CHST11: variants seen among roughly 807,000 people sequenced by gnomAD.
The protein encoded by CHST11 is C4S-1.
Under a neutral mutation model 30.4 loss-of-function variants are expected in CHST11, and 9 were observed. That is an observed-to-expected ratio of 0.30 (90% confidence interval 0.18 to 0.52). The LOEUF (loss-of-function observed/expected upper bound fraction) is 0.52, where lower values mean the gene tolerates loss of function less well. CHST11 is among the 20% of genes least tolerant of loss of function. The pLI is 0.97. For synonymous variants in CHST11, 152 were observed against 187.8 expected, an observed-to-expected ratio of 0.81 and a Z score of 1.56; for missense variants, 348 against 460.6, an observed-to-expected ratio of 0.76 and a Z score of 2.24.
intron 2 of CHST11, among the ~76,000 whole-genome samples, chr12:104,696,498 A>C (rs927101657): frequency 1.2e-4 from 18 of 150,160 alleles, no homozygotes; most frequent in South Asian, 4.2e-4. Flanking sequence ...AAAAAAAAAA[A>C]AAAAAAAAAC....
intron 1 of CHST11, among the ~76,000 whole-genome samples, chr12:104,472,937 A>G (rs558702330): frequency 1.7e-3 from 260 of 152,238 alleles, no homozygotes; most frequent in Non-Finnish European, 1.4e-3. Context: ...CTGCCAGAGC[A>G]GGGAGTGGGG....
chr12:104,695,930 A>C (rs894365094), intron 2 of CHST11, among the ~76,000 whole-genome samples: 3 of 152,190 alleles, frequency 2.0e-5, no homozygotes, highest in Non-Finnish European at 4.4e-5. Flanking sequence ...TGTCCATATA[A>C]AGAGGACCTT....
rs77847728 is a variant in CHST11, at chr12:104,488,360, C to T, written c.118+30831C>T. On this transcript the variant is annotated intron_variant, in intron 1 of 2. Coordinates refer to ENST00000303694, the MANE Select transcript of CHST11 (RefSeq NM_018413.6). ...CTGTGTGTGTGTATGCATGTGTGTGCGTATGTGTATGCGTGTGTATGTGTG... is the reference window on the plus strand; with the variant it reads ...CTGTGTGTGTGTATGCATGTGTGTGTGTATGTGTATGCGTGTGTATGTGTG... 7.8e-3 allele frequency among the ~76,000 whole-genome samples: 1,175 copies of T among 150,992 alleles called. 15 individuals carry two copies. Among genetic ancestry groups the T allele is most frequent in the African/African-American group, 0.026 (1,086 of 41,116 alleles).
At chr12:104,689,177 T>C (rs2039875147) in intron 2 of CHST11, among the ~76,000 whole-genome samples, 1 of 152,242 alleles carries the variant, frequency 6.6e-6, no homozygotes, top group African/African-American at 2.4e-5. Flanking sequence ...CTGCCTGCAA[T>C]GAGTAAGGAT....
chr12:104,490,517 C>G (rs1471767456), intron 1 of CHST11, among the ~76,000 whole-genome samples: 4 of 152,178 alleles, frequency 2.6e-5, no homozygotes, highest in Non-Finnish European at 5.9e-5. Context: ...TTCACCATAT[C>G]AGCATTTTGC....
chr12:104,523,235 TG>T (rs1374113483), intron 1 of CHST11, among the ~76,000 whole-genome samples: 3 of 152,200 alleles, frequency 2.0e-5, no homozygotes, highest in Admixed American at 2.0e-4. Flanking sequence ...GATGTGTGGG[TG>T]GGGTTTCTTG....
Position 104,757,178 on chromosome 12 carries a change from G to GCGA in CHST11, c.436_438dup (p.Asp146dup). ...GTCCTGACCGGGCGGGGGAAGTACA[G>GCGA]CGACCCCATGGAGATCCCGGCCAAC... On this transcript the variant is annotated inframe_insertion, in exon 3 of 3. Coordinates refer to ENST00000303694, the MANE Select transcript of CHST11 (RefSeq NM_018413.6). The surrounding 1 kb of genome is among the most constrained non-coding windows in gnomAD (Gnocchi z 6.5). 6.2e-7 allele frequency: 1 copy of GCGA among 1,614,118 alleles called. No individual in the cohort carries two copies. Among genetic ancestry groups the GCGA allele is most frequent in the Non-Finnish European group, 8.5e-7 (1 of 1,180,020 alleles).
At chr12:104,519,710 A>G (rs1305202910) in intron 1 of CHST11, among the ~76,000 whole-genome samples, 1 of 152,172 alleles carries the variant, frequency 6.6e-6, no homozygotes, top group East Asian at 1.9e-4. Context: ...ATTTGACACC[A>G]GCATTTTGCA....
chr12:104,652,820 C>A (rs1205177969), intron 2 of CHST11, among the ~76,000 whole-genome samples: 1 of 152,200 alleles, frequency 6.6e-6, no homozygotes, highest in Non-Finnish European at 1.5e-5. Context: ...GGGCCAGTGG[C>A]TTTGCTCAGG....
intron 1 of CHST11, among the ~76,000 whole-genome samples, chr12:104,575,501 C>T (rs1482485944): frequency 2.0e-5 from 3 of 152,138 alleles, no homozygotes; most frequent in African/African-American, 4.8e-5. Context: ...CTCTGCGAGT[C>T]CTCTGTGATA....
At chr12:104,591,511 A>G (rs1615960) in intron 1 of CHST11, 129,378 of 152,390 alleles carry the variant, frequency 0.85, 55,084 homozygotes, top group East Asian at 1. Flanking sequence ...TAGGGGCATG[A>G]TGGTGGCATC....
intron 2 of CHST11, among the ~76,000 whole-genome samples, chr12:104,752,971 G>A (rs752287002): frequency 6.6e-5 from 10 of 152,204 alleles, no homozygotes; most frequent in Admixed American, 6.5e-4. Flanking sequence ...CAAGCACCGG[G>A]GATATCGCTA....
intron 2 of CHST11, among the ~76,000 whole-genome samples, chr12:104,615,724 C>G (rs923896159): frequency 3.3e-5 from 5 of 152,140 alleles, no homozygotes; most frequent in African/African-American, 1.2e-4. Context: ...GTCAGGAGTT[C>G]AAGACCAGTC....
chr12:104,597,424 T>C (rs995647675), intron 1 of CHST11, among the ~76,000 whole-genome samples: 3 of 152,156 alleles, frequency 2.0e-5, no homozygotes, highest in African/African-American at 7.2e-5. Context: ...CCTCAGGGCC[T>C]CAGGGATTTC....
intron 1 of CHST11, among the ~76,000 whole-genome samples, chr12:104,463,226 G>A (rs2037426083): frequency 6.6e-6 from 1 of 152,156 alleles, no homozygotes; most frequent in South Asian, 2.1e-4. Flanking sequence ...ATTGCCAGCA[G>A]GCCTCTTCTA....
intron 1 of CHST11, among the ~76,000 whole-genome samples, chr12:104,574,004 G>T (rs1047635619): frequency 6.6e-6 from 1 of 151,924 alleles, no homozygotes; most frequent in Non-Finnish European, 1.5e-5. Flanking sequence ...GAACTCAAAC[G>T]AATTTACAAG....
intron 2 of CHST11, among the ~76,000 whole-genome samples, chr12:104,742,588 C>T (rs1209649073): frequency 1.3e-5 from 2 of 152,212 alleles, no homozygotes; most frequent in Non-Finnish European, 2.9e-5. Flanking sequence ...GAAAGCAGGC[C>T]AGCTTGGCAG....
At chr12:104,736,131 G>A (rs1218578917) in intron 2 of CHST11, among the ~76,000 whole-genome samples, 6 of 152,126 alleles carry the variant, frequency 3.9e-5, no homozygotes, top group African/African-American at 1.2e-4. Context: ...ACATTCCATG[G>A]GCAATGTCCA....
chr12:104,583,454 C>T (rs192846047), intron 1 of CHST11, among the ~76,000 whole-genome samples: 126 of 152,206 alleles, frequency 8.3e-4, no homozygotes, highest in African/African-American at 2.9e-3. Context: ...GATGCAGCTC[C>T]AATGGCCTTT....
Sources: allele counts gnomAD v4.1 joint callset (sites outside exome capture counted in the v4.1 genomes callset), GRCh38; gene constraint gnomAD v4.1.1; non-coding constraint Gnocchi (gnomAD v3.1); transcripts MANE v1.5; gene names NCBI Gene and HGNC (gene_info 2026-07-23, HGNC 2026-07-21).